MLLT3: variants seen among roughly 807,000 people sequenced by gnomAD.
The protein encoded by MLLT3 is protein AF-9.
Under a neutral mutation model 53.2 loss-of-function variants are expected in MLLT3, and 4 were observed. The observed-to-expected ratio is 0.08, with a 90% confidence interval of 0.04 to 0.17. The LOEUF is 0.17. MLLT3 is among the 10% of genes least tolerant of loss of function. The pLI is 1.00. For synonymous variants in MLLT3, 283 were observed against 230.6 expected (o/e 1.23, Z -2.06); for missense variants, 569 against 684.0 (o/e 0.83, Z 1.87).
At chr9:20,592,507 G>A (rs750272545) in intron 2 of MLLT3, among the ~76,000 whole-genome samples, 3 of 152,054 alleles carry the variant, frequency 2.0e-5, no homozygotes, top group Non-Finnish European at 4.4e-5. Flanking sequence ...AAGGACACAA[G>A]TCATATTAGA....
rs549653424 is a variant in MLLT3 at position 20,413,877 on chromosome 9, G to A, written c.969C>T (p.Asp323=). ...GAGATTTATCTTTTATCTGTTTTTTGTCAGCAGAACAAGTGAGTATCAGTG... is the reference window on the plus strand; with the variant it reads ...GAGATTTATCTTTTATCTGTTTTTTATCAGCAGAACAAGTGAGTATCAGTG... ...APPLILTCSA[D]KKQIKDKSHV... Residue 323 remains aspartate, a synonymous_variant, in exon 5 of 11, where the codon GAC becomes GAT. Coordinates refer to ENST00000380338, the MANE Select transcript of MLLT3 (RefSeq NM_004529.4). 9.0e-5 allele frequency: 145 copies of A among 1,613,796 alleles called. 2 individuals are homozygous for A. The South Asian group carries it at 1.5e-3, about 17-fold the overall frequency.
At chr9:20,478,166 G>C (rs1824572307) in intron 2 of MLLT3, among the ~76,000 whole-genome samples, 1 of 152,038 alleles carries the variant, frequency 6.6e-6, no homozygotes, top group African/African-American at 2.4e-5. Flanking sequence ...GATTCTCGGT[G>C]GACTGGCAGT....
At chr9:20,511,977 C>A (rs190130190) in intron 2 of MLLT3, among the ~76,000 whole-genome samples, 1 of 152,048 alleles carries the variant, frequency 6.6e-6, no homozygotes, top group Non-Finnish European at 1.5e-5. Context: ...GAAGCCCATC[C>A]CTGAGTAGGA....
intron 2 of MLLT3, among the ~76,000 whole-genome samples, chr9:20,591,648 A>G (rs1820132392): frequency 6.6e-6 from 1 of 152,218 alleles, no homozygotes; most frequent in Non-Finnish European, 1.5e-5. Flanking sequence ...TACCAAACTT[A>G]CATGCAAACT....
At chr9:20,574,088 G>A (rs371237186) in intron 2 of MLLT3, among the ~76,000 whole-genome samples, 11 of 152,128 alleles carry the variant, frequency 7.2e-5, no homozygotes, top group African/African-American at 1.2e-4. Context: ...GCAGATTGCC[G>A]GGTTCTGGAC....
At chr9:20,598,532 A>T (rs1820334283) in intron 2 of MLLT3, among the ~76,000 whole-genome samples, 1 of 152,244 alleles carries the variant, frequency 6.6e-6, no homozygotes, top group Non-Finnish European at 1.5e-5. Flanking sequence ...TGCTTTTATC[A>T]TTCTAACAGT....
At chr9:20,348,655 T>G (rs1255732391) in intron 10 of MLLT3, among the ~76,000 whole-genome samples, 2 of 152,212 alleles carry the variant, frequency 1.3e-5, no homozygotes, top group Non-Finnish European at 2.9e-5. Context: ...CAAGGTTCTG[T>G]TACATGCATC....
At chr9:20,480,249 C>T (rs1824627932) in intron 2 of MLLT3, among the ~76,000 whole-genome samples, 2 of 152,200 alleles carry the variant, frequency 1.3e-5, no homozygotes, top group Admixed American at 1.3e-4. Flanking sequence ...AAACTGTAAA[C>T]TACAAACTTG....
intron 2 of MLLT3, among the ~76,000 whole-genome samples, chr9:20,580,927 T>C (rs1295565448): frequency 2.0e-5 from 3 of 152,194 alleles, no homozygotes; most frequent in Non-Finnish European, 2.9e-5. Flanking sequence ...TGTCAACATA[T>C]TTTGTTTTTA....
intron 2 of MLLT3, among the ~76,000 whole-genome samples, chr9:20,540,031 C>T (rs1339665261): frequency 2.0e-5 from 3 of 152,230 alleles, no homozygotes; most frequent in Admixed American, 2.0e-4. Flanking sequence ...AACTCCAAAA[C>T]CCAGCAAGGC....
Position 20,499,801 on chromosome 9 carries a change from C to A in MLLT3, c.194-43015G>T, listed in dbSNP as rs1825172380. 1.3e-5 allele frequency among the ~76,000 whole-genome samples: 2 copies of A among 152,120 alleles called. 1 individual carries two copies. Among genetic ancestry groups the A allele is most frequent in the South Asian group, 4.1e-4 (2 of 4,832 alleles). ...CAAATAGGGTGTAAAAATGTAGCAT[C>A]CTCCTGTAGTCCCAGCTACTCAGAA... On this transcript the variant is annotated intron_variant, in intron 2 of 10. Transcript: ENST00000380338.
At chr9:20,417,975 T>C (rs2118786478) in intron 4 of MLLT3, among the ~76,000 whole-genome samples, 1 of 152,362 alleles carries the variant, frequency 6.6e-6, no homozygotes, top group South Asian at 2.1e-4. Flanking sequence ...GCTATCCCTC[T>C]TATTTTTGGT....
chr9:20,595,699 G>A (rs1012425605), intron 2 of MLLT3, among the ~76,000 whole-genome samples: 3 of 152,098 alleles, frequency 2.0e-5, no homozygotes, highest in African/African-American at 7.2e-5. Context: ...AGCACATGAC[G>A]TTTGAAAGAT....
chr9:20,450,389 T>A (rs1823809464), intron 3 of MLLT3, among the ~76,000 whole-genome samples: 1 of 152,224 alleles, frequency 6.6e-6, no homozygotes, highest in Non-Finnish European at 1.5e-5. Flanking sequence ...ATTACAGCTT[T>A]CCACTGATAT....
chr9:20,527,309 A>C (rs565268547), intron 2 of MLLT3, among the ~76,000 whole-genome samples: 3 of 152,216 alleles, frequency 2.0e-5, no homozygotes, highest in Non-Finnish European at 4.4e-5. Flanking sequence ...AATTCAACTC[A>C]GAATGAGCCT....
intron 4 of MLLT3, among the ~76,000 whole-genome samples, chr9:20,438,030 T>C (rs538610330): frequency 6.6e-6 from 1 of 152,276 alleles, no homozygotes; most frequent in East Asian, 1.9e-4. Flanking sequence ...AACCAGACCT[T>C]TATAGATATC....
At chr9:20,426,186 C>G (rs1288504913) in intron 4 of MLLT3, among the ~76,000 whole-genome samples, 2 of 152,070 alleles carry the variant, frequency 1.3e-5, no homozygotes, top group African/African-American at 4.8e-5. Context: ...ATTTAGAAGA[C>G]TGTAGTTTCA....
intron 2 of MLLT3, among the ~76,000 whole-genome samples, chr9:20,466,895 A>AT (rs761641700): frequency 5.3e-5 from 8 of 152,200 alleles, no homozygotes; most frequent in Non-Finnish European, 1.0e-4. Context: ...GGGGCTTAAT[A>AT]TTAGTTTGTT....
At chr9:20,522,988 T>C (rs1207957820) in intron 2 of MLLT3, among the ~76,000 whole-genome samples, 2 of 151,210 alleles carry the variant, frequency 1.3e-5, no homozygotes, top group African/African-American at 4.9e-5. Flanking sequence ...AATAAATAAA[T>C]AAAAATAACA....
Sources: gnomAD v4.1 joint callset for allele counts (sites outside exome capture counted in the v4.1 genomes callset) on GRCh38, gnomAD v4.1.1 for gene constraint, MANE v1.5 for transcripts, NCBI Gene and HGNC (gene_info 2026-07-23, HGNC 2026-07-21) for gene names.